The following ZWILCH variants were observed in gnomAD, a reference collection of about 807,000 sequenced individuals.
The protein encoded by ZWILCH is zwilch kinetochore protein, also known as protein zwilch homolog.
Under a neutral mutation model 79.9 loss-of-function variants are expected in ZWILCH, and 74 were observed. The ratio of observed to expected loss-of-function variants is 0.93; its 90% CI spans 0.77 to 1.12. ZWILCH has a LOEUF of 1.12. Ranked by LOEUF, ZWILCH falls within the 50% of genes most tolerant of loss-of-function variation. The pLI is 0.00. For synonymous variants in ZWILCH, 241 were observed against 228.2 expected, an observed-to-expected ratio of 1.06 and a Z score of -0.51; for missense variants, 694 against 687.5, an observed-to-expected ratio of 1.01 and a Z score of -0.11.
chr15:66,506,605 G>A lies in ZWILCH; in HGVS notation c.53+1214G>A, dbSNP rs187936888. 2.9e-3 allele frequency among the ~76,000 whole-genome samples: 442 copies of A among 152,216 alleles called. 2 individuals carry two copies. Among genetic ancestry groups the A allele is most frequent in the African/African-American group, 0.01 (427 of 41,554 alleles). On this transcript the variant is annotated intron_variant, in intron 1 of 18. Coordinates refer to ENST00000307897, the MANE Select transcript of ZWILCH (RefSeq NM_017975.5). ...CGGGAGGCAGAGGTTGCAGTGAGCC[G>A]AGATCGTGCCAGTGCACTCCAGCCT...
At chr15:66,509,805 A>G (rs1471331034) in intron 2 of ZWILCH, among the ~76,000 whole-genome samples, 1 of 138,232 alleles carries the variant, frequency 7.2e-6, no homozygotes, top group Non-Finnish European at 1.6e-5. Context: ...ATCTATAATT[A>G]TGTGTGTGTG....
chr15:66,533,146 C>A, intron 14 of ZWILCH, 133 bp downstream of exon 14: 1 of 493,542 alleles, frequency 2.0e-6, no homozygotes, highest in East Asian at 3.6e-5. Context: ...AGTCAGTGCC[C>A]GTAGTTATTA....
chr15:66,541,598 G>T (rs1010992277), intron 17 of ZWILCH, among the ~76,000 whole-genome samples: 1 of 152,064 alleles, frequency 6.6e-6, no homozygotes, highest in African/African-American at 2.4e-5. Flanking sequence ...TATCACAGAT[G>T]GTCCATATTA....
chr15:66,510,261 C>A, intron 2 of ZWILCH, among the ~76,000 whole-genome samples: 1 of 148,132 alleles, frequency 6.8e-6, no homozygotes, highest in Non-Finnish European at 1.5e-5. Flanking sequence ...GTAGCTTGTG[C>A]CTATAGTCCC....
In ZWILCH at chr15:66,515,608, A is replaced by G; in HGVS notation, c.284A>G (p.Asn95Ser). 1.9e-6 allele frequency: 3 copies of G among 1,613,876 alleles called. No homozygotes were observed. Among genetic ancestry groups the G allele is most frequent in the Non-Finnish European group, 2.5e-6 (3 of 1,179,928 alleles). The change falls in exon 4 of 19, where the codon AAT becomes AGT. Residue 95 changes from asparagine to serine, a missense_variant. Physicochemically the swap from Asn to Ser is conservative, Grantham distance 46. Coordinates refer to ENST00000307897, the MANE Select transcript of ZWILCH (RefSeq NM_017975.5). ...ATATCTGATTTCTCTACTGGCGAAA[A>G]TGTTGGACCACTTGCTTTACCAGTT... The part of the protein sequence containing the change: ...TAISDFSTGE[N>S]VGPLALPVGK...
rs756581079 is a variant in ZWILCH at position 66,548,597 on chromosome 15, G to A, written c.*273G>A. ...TCCGTAACCATTTGCATGTGACTTA[G>A]CAAGGGCTCTGAAATGACAAAGAGA... On this transcript the variant is annotated 3_prime_UTR_variant, in exon 19 of 19. Coordinates refer to ENST00000307897, the MANE Select transcript of ZWILCH (RefSeq NM_017975.5). 9 of 1,580,994 alleles carry A rather than the reference G, an allele frequency of 5.7e-6. No individual in the cohort carries two copies. In the South Asian group the frequency reaches 1.0e-4, roughly 17 times the overall value.
chr15:66,539,631 G>T (rs12593200), intron 16 of ZWILCH, among the ~76,000 whole-genome samples: 31,751 of 151,940 alleles, frequency 0.21, 3,494 homozygotes, highest in East Asian at 0.37. Flanking sequence ...ATCCCACCAG[G>T]ACTTCCTCCT....
At chr15:66,532,947 C>T (rs1894898428) in intron 13 of ZWILCH, 38 bp from the exon 14 acceptor site, 2 of 1,446,840 alleles carry the variant, frequency 1.4e-6, no homozygotes, top group African/African-American at 1.4e-5. Flanking sequence ...TAGAAAATAC[C>T]TGAAGTGTTT....
intron 16 of ZWILCH, among the ~76,000 whole-genome samples, 170 bp downstream of exon 16, chr15:66,537,433 G>A (rs1369547768): frequency 1.3e-5 from 2 of 151,874 alleles, no homozygotes; most frequent in African/African-American, 2.4e-5. Context: ...GCTCACACCT[G>A]TAATCCTAGC....
chr15:66,521,323 A>G, intron 7 of ZWILCH, 118 bp downstream of exon 7: 1 of 1,234,744 alleles, frequency 8.1e-7, no homozygotes, highest in Non-Finnish European at 1.1e-6. Flanking sequence ...GAGCTTGGAC[A>G]ACTCTGAAAG....
In ZWILCH at chr15:66,527,946, G is replaced by A. The variant is rs374877581; in HGVS notation, c.969+34G>A. On this transcript the variant is annotated intron_variant, in intron 10 of 18. Transcript: ENST00000307897. Reference sequence around the variant, plus strand: ...TTATTATCAGTTAGAAATATACACAGAAATAGCTTTTAAAATTCGGTTATG... The same window carrying A: ...TTATTATCAGTTAGAAATATACACAAAAATAGCTTTTAAAATTCGGTTATG... 17 of 1,538,514 alleles carry A rather than the reference G, an allele frequency of 1.1e-5. No homozygotes were observed. In the Middle Eastern group the frequency reaches 1.5e-3, roughly 138 times the overall value.
intron 8 of ZWILCH, among the ~76,000 whole-genome samples, 164 bp from the exon 9 acceptor site, chr15:66,527,126 A>G (rs1016436968): frequency 6.6e-6 from 1 of 152,254 alleles, no homozygotes; most frequent in Admixed American, 6.5e-5. Context: ...GAGTTTTGTT[A>G]GGATTAAATA....
chr15:66,542,674 G>A (rs1895231816), intron 17 of ZWILCH, among the ~76,000 whole-genome samples: 1 of 152,090 alleles, frequency 6.6e-6, no homozygotes. Context: ...TTGATAGTAA[G>A]GTAAACAGTG....
At chr15:66,521,881 A>G (rs1894506898) in intron 7 of ZWILCH, among the ~76,000 whole-genome samples, 2 of 152,118 alleles carry the variant, frequency 1.3e-5, no homozygotes, top group South Asian at 4.1e-4. Flanking sequence ...CTGTATTTAC[A>G]TTTCTAGGAA....
intron 17 of ZWILCH, among the ~76,000 whole-genome samples, chr15:66,544,724 T>TTTTGTGTGTGTGTGTGTGTGTG (rs145952622): frequency 3.9e-5 from 5 of 128,490 alleles, no homozygotes; most frequent in Non-Finnish European, 6.3e-5. Flanking sequence ...TTTTTGGTTT[T>TTTTGTGTGTGTGTGTGTGTGTG]TGTGTGTGTG....
intron 8 of ZWILCH, among the ~76,000 whole-genome samples, chr15:66,525,701 A>T (rs1422923802): frequency 2.0e-5 from 3 of 151,824 alleles, no homozygotes; most frequent in African/African-American, 7.3e-5. Context: ...TCCATGCCCC[A>T]AGTTCGCCTA....
At chr15:66,542,902 C>A (rs1247566676) in intron 17 of ZWILCH, among the ~76,000 whole-genome samples, 3 of 152,170 alleles carry the variant, frequency 2.0e-5, no homozygotes, top group Admixed American at 1.3e-4. Context: ...TATATAGATA[C>A]CTTTTCCATA....
chr15:66,535,809 CTTT>C (rs879221084), intron 14 of ZWILCH, 121 bp from the exon 15 acceptor site: 16 of 617,692 alleles, frequency 2.6e-5, no homozygotes, highest in Non-Finnish European at 3.0e-5. Context: ...TTCTTCTGGT[CTTT>C]TTTTTTTTTA....
rs142987914 is a variant in ZWILCH at position 66,522,500 on chromosome 15, G to A, written c.748-1177G>A. On this transcript the variant is annotated intron_variant, in intron 7 of 18. Transcript: ENST00000307897. ...CTACAGGTGCATGCCACCATGCCCA[G>A]CTAATTTGTTTGTATTTTTAGTAGA... is the stretch of plus-strand genomic sequence containing the variant. Among the ~76,000 whole-genome samples the A allele has an allele frequency of 8.2e-3, 1,250 of 151,836 alleles. 25 individuals are homozygous for A. Among genetic ancestry groups the A allele is most frequent in the African/African-American group, 0.029 (1,196 of 41,440 alleles).
Sources: gnomAD v4.1 joint callset for allele counts (sites outside exome capture counted in the v4.1 genomes callset) on GRCh38, gnomAD v4.1.1 for gene constraint, MANE v1.5 for transcripts, NCBI Gene and HGNC (gene_info 2026-07-23, HGNC 2026-07-21) for gene names.